The following AP3B1 variants were observed in gnomAD, a reference collection of about 807,000 sequenced individuals.
AP3B1 encodes AP-3 complex subunit beta-1.
Under a neutral mutation model 132.5 loss-of-function variants are expected in AP3B1, and 61 were observed. The observed-to-expected ratio is 0.46, with a 90% CI of 0.37 to 0.57. AP3B1 has a LOEUF of 0.57. Among genes scored for constraint, AP3B1 ranks in the 20% least tolerant of loss-of-function variants. The pLI is 0.00. For synonymous variants in AP3B1, 388 were observed against 438.3 expected (o/e 0.89, Z 1.43); for missense variants, 1,120 against 1,289.4 (o/e 0.87, Z 2.01).
chr5:78,256,282 GA>G (rs943782533), intron 2 of AP3B1, among the ~76,000 whole-genome samples: 1 of 150,264 alleles, frequency 6.7e-6, no homozygotes, highest in South Asian at 2.1e-4. Flanking sequence ...GCCAGACTAA[GA>G]AAAAAAAGAG....
chr5:78,019,739 G>A (rs1408634961), intron 25 of AP3B1, among the ~76,000 whole-genome samples: 3 of 152,038 alleles, frequency 2.0e-5, no homozygotes, highest in African/African-American at 7.2e-5. Flanking sequence ...GAATTGCAAA[G>A]GCTTAGAGTA....
At chr5:78,060,577 T>C (rs2112142735) in intron 22 of AP3B1, among the ~76,000 whole-genome samples, 1 of 152,316 alleles carries the variant, frequency 6.6e-6, no homozygotes, top group East Asian at 1.9e-4. Flanking sequence ...AGACACCTTA[T>C]GTAAACGTCC....
At chr5:78,181,236 C>T (rs1048357784) in intron 8 of AP3B1, among the ~76,000 whole-genome samples, 1 of 152,056 alleles carries the variant, frequency 6.6e-6, no homozygotes, top group Admixed American at 6.6e-5. Context: ...GTCCAATAGG[C>T]CAAACCAGGT....
chr5:78,173,312 T>C (rs1008007791), intron 11 of AP3B1, among the ~76,000 whole-genome samples: 2 of 152,186 alleles, frequency 1.3e-5, no homozygotes, highest in African/African-American at 2.4e-5. Flanking sequence ...TGGATATCCT[T>C]GTTAACCTTC....
intron 3 of AP3B1, 44 bp from the exon 4 acceptor site, chr5:78,228,283 A>C (rs1746484598): frequency 7.0e-7 from 1 of 1,432,328 alleles, no homozygotes; most frequent in African/African-American, 1.4e-5. Context: ...GTGAAAATTT[A>C]AAACTCAGTA....
In AP3B1 at chr5:78,263,560, C is replaced by T. The variant is rs1580563107; in HGVS notation, c.204+3960G>A. On this transcript the variant is annotated intron_variant, in intron 2 of 26. Transcript: ENST00000255194. ...GCACAGAAGTGGTAAAAGCAAGCAT[C>T]CTTGTTTCTGACCTTGGAGTAAAAG... is the stretch of plus-strand genomic sequence containing the variant. Among the ~76,000 whole-genome samples, 4 of 152,248 alleles carry T rather than the reference C, an allele frequency of 2.6e-5. 1 individual carries two copies. The South Asian group carries it at 8.3e-4, about 32-fold the overall frequency.
At chr5:78,140,146 A>G (rs915117557) in intron 15 of AP3B1, among the ~76,000 whole-genome samples, 1 of 152,204 alleles carries the variant, frequency 6.6e-6, no homozygotes, top group Non-Finnish European at 1.5e-5. Context: ...TATTTCGTAC[A>G]TGGAAGCAAA....
intron 22 of AP3B1, among the ~76,000 whole-genome samples, chr5:78,051,312 G>A (rs917924767): frequency 6.6e-6 from 1 of 152,050 alleles, no homozygotes; most frequent in African/African-American, 2.4e-5. Flanking sequence ...AGTGTAAAAT[G>A]AAAAATACTC....
chr5:78,205,023 TTAAAA>T (rs1232175946), intron 7 of AP3B1, among the ~76,000 whole-genome samples: 3 of 152,164 alleles, frequency 2.0e-5, no homozygotes, highest in African/African-American at 7.2e-5. Context: ...TGCAAAATTC[TTAAAA>T]TAAAATGTTG....
intron 1 of AP3B1, among the ~76,000 whole-genome samples, chr5:78,281,207 G>C (rs558441193): frequency 2.4e-4 from 37 of 152,262 alleles, no homozygotes; most frequent in African/African-American, 8.9e-4. Context: ...GGCCAAGGCA[G>C]GTGGATCACC....
At chr5:78,268,764 C>T (rs1018906772) in intron 1 of AP3B1, among the ~76,000 whole-genome samples, 1 of 152,146 alleles carries the variant, frequency 6.6e-6, no homozygotes. Context: ...TTTTGCTCTT[C>T]ATGGTTAACA....
At chr5:78,236,695 T>C (rs1041620297) in intron 3 of AP3B1, among the ~76,000 whole-genome samples, 1 of 152,190 alleles carries the variant, frequency 6.6e-6, no homozygotes, top group African/African-American at 2.4e-5. Flanking sequence ...GTCAGACAGG[T>C]TTTTTTAATG....
intron 14 of AP3B1, among the ~76,000 whole-genome samples, chr5:78,153,528 A>C (rs1742983876): frequency 6.6e-6 from 1 of 151,822 alleles, no homozygotes; most frequent in Admixed American, 6.6e-5. Flanking sequence ...TTTTGATTGG[A>C]GAGTTTAGTC....
At chr5:78,145,271 T>C (rs942389264) in intron 14 of AP3B1, among the ~76,000 whole-genome samples, 1 of 152,264 alleles carries the variant, frequency 6.6e-6, no homozygotes, top group African/African-American at 2.4e-5. Flanking sequence ...CTAATATCTA[T>C]TGAGCTCTTA....
intron 22 of AP3B1, among the ~76,000 whole-genome samples, chr5:78,049,588 G>A (rs1055123969): frequency 6.6e-6 from 1 of 152,140 alleles, no homozygotes; most frequent in East Asian, 1.9e-4. Context: ...TGACACCTGA[G>A]GGAGTCATCA....
intron 22 of AP3B1, among the ~76,000 whole-genome samples, chr5:78,062,381 T>C (rs1749096045): frequency 6.6e-6 from 1 of 152,204 alleles, no homozygotes; most frequent in South Asian, 2.1e-4. Context: ...TTTTATCTCT[T>C]TGGGGTGGCC....
At chr5:78,155,268 C>T (rs1580418010) in intron 14 of AP3B1, among the ~76,000 whole-genome samples, 1 of 152,132 alleles carries the variant, frequency 6.6e-6, no homozygotes, top group Non-Finnish European at 1.5e-5. Context: ...TCTCCCTCCC[C>T]CTAGTGCAGA....
At chr5:78,004,785 T>C (rs148223916) in intron 26 of AP3B1, among the ~76,000 whole-genome samples, 1,788 of 152,346 alleles carry the variant, frequency 0.012, 24 homozygotes, top group Admixed American at 0.032. Flanking sequence ...AGAGCAGTAT[T>C]CCTACTGAGA....
chr5:78,293,362 AAAATG>A (rs1749617698), intron 1 of AP3B1, among the ~76,000 whole-genome samples: 1 of 152,226 alleles, frequency 6.6e-6, no homozygotes, highest in African/African-American at 2.4e-5. Context: ...CATATAATGA[AAAATG>A]AAATCAGTTA....
Sources: allele counts gnomAD v4.1 joint callset (sites outside exome capture counted in the v4.1 genomes callset), GRCh38; gene constraint gnomAD v4.1.1; transcripts MANE v1.5; gene names NCBI Gene and HGNC (gene_info 2026-07-23, HGNC 2026-07-21).